POTEG: variants seen among roughly 807,000 people sequenced by gnomAD.
The protein encoded by POTEG is POTE ankyrin domain family member G.
In POTEG, 2 loss-of-function variants were observed where a neutral mutation model predicts 49.6. That is an observed-to-expected ratio of 0.04 (90% confidence interval 0.02 to 0.13). POTEG has a LOEUF of 0.13. POTEG is among the 10% of genes least tolerant of loss of function. The probability of loss-of-function intolerance (pLI) is 1.00; values close to 1 mark genes in which losing one functional copy is unlikely to be tolerated. For missense variants in POTEG, 26 were observed against 545.2 expected, an observed-to-expected ratio of 0.05 and a Z score of 9.48; for synonymous variants, 7 against 186.6, an observed-to-expected ratio of 0.04 and a Z score of 7.84.
intron 3 of POTEG, chr14:19,426,993 A>AAG: frequency 3.1e-6 from 1 of 325,406 alleles, no homozygotes; most frequent in African/African-American, 2.3e-5. Flanking sequence ...CTCAATCTAA[A>AAG]AAAAAAAAAA....
chr14:19,425,583 C>T lies in POTEG; in HGVS notation c.917+23G>A. The T allele has an allele frequency of 7.0e-6, 5 of 718,172 alleles. 2 individuals carry two copies. In the Admixed American group the frequency reaches 1.4e-4, roughly 20 times the overall value. 44.5% of individuals were successfully genotyped at this position (718,172 alleles called of 1,614,324 possible). ...GTGACTGCTATCCATCTGGAACACA[C>T]AGATTAAAAGAAAGAACTATACCTT... On this transcript the variant is annotated intron_variant, in intron 4 of 10. Coordinates refer to ENST00000547848, the MANE Select transcript of POTEG (RefSeq NM_001005356.3).
At position 19,431,248 on chromosome 14, in the gene POTEG, T is replaced by C. The variant is rs1400654105; in HGVS notation, c.522-2259A>G. 3.3e-5 allele frequency among the ~76,000 whole-genome samples: 5 copies of C among 152,386 alleles called. No individual in the cohort carries two copies. The East Asian group carries it at 9.7e-4, about 30-fold the overall frequency. On this transcript the variant is annotated intron_variant, in intron 1 of 10. Coordinates refer to ENST00000547848, the MANE Select transcript of POTEG (RefSeq NM_001005356.3). ...AAACTGATTTTTTTCTCACTTGCTA[T>C]AGCAAAGTACATCTTTGCATGTCGA...
At chr14:19,432,354 A>G (rs1269818605) in intron 1 of POTEG, among the ~76,000 whole-genome samples, 3 of 95,644 alleles carry the variant, frequency 3.1e-5, no homozygotes, top group Non-Finnish European at 6.7e-5. Flanking sequence ...TCAAAAAAAA[A>G]AAAGAAATTT....
Position 19,424,288 on chromosome 14 carries a change from AG to A in POTEG, c.931del (p.Ala312LeufsTer9). ...LDRYGRTALI[L>X]AVCCGSASIV... ...ACTTGCCGATCCACAACATACAGCA[AG>A]TATGAGAGCAGTTCTAAAATGACAG... On this transcript the variant is annotated frameshift_variant, in exon 5 of 11. Transcript: ENST00000547848. LOFTEE classifies it high-confidence loss of function. 6.2e-7 allele frequency: 1 copy of A among 1,604,632 alleles called. No homozygotes were observed. Among genetic ancestry groups the A allele is most frequent in the East Asian group, 2.2e-5 (1 of 44,680 alleles).
rs368561070 is a variant in POTEG at position 19,415,663 on chromosome 14, A to G, written c.1197+625T>C. Among the ~76,000 whole-genome samples, 29 of 151,444 alleles carry G rather than the reference A, an allele frequency of 1.9e-4. No individual in the cohort carries two copies. The East Asian group carries it at 5.3e-3, about 28-fold the overall frequency. On this transcript the variant is annotated intron_variant, in intron 7 of 10. Coordinates refer to ENST00000547848, the MANE Select transcript of POTEG (RefSeq NM_001005356.3). ...TCTATTCCAAAAGGAAAGATTAGCT[A>G]TAAGCTAATCAAGAAGGCAGATAAG... is the stretch of plus-strand genomic sequence containing the variant.
chr14:19,415,892 C>T (rs1299625655), intron 7 of POTEG, among the ~76,000 whole-genome samples: 1 of 118,270 alleles, frequency 8.5e-6, no homozygotes, highest in African/African-American at 3.2e-5. Context: ...GTCACCCAGG[C>T]TGGAGTGTAG....
intron 1 of POTEG, among the ~76,000 whole-genome samples, chr14:19,432,414 G>C (rs1320717855): frequency 3.3e-5 from 1 of 30,218 alleles, no homozygotes; most frequent in Non-Finnish European, 6.5e-5. Context: ...ACACACACAT[G>C]TATATATATG....
chr14:19,418,993 G>C (rs1303856901), intron 6 of POTEG, among the ~76,000 whole-genome samples: 1 of 108,112 alleles, frequency 9.2e-6, no homozygotes, highest in Non-Finnish European at 1.8e-5. Context: ...AATGAAAAAA[G>C]CATAACACCA....
At chr14:19,415,208 T>C (rs1426223635) in intron 7 of POTEG, among the ~76,000 whole-genome samples, 1 of 142,942 alleles carries the variant, frequency 7.0e-6, no homozygotes, top group African/African-American at 2.5e-5. Context: ...TTAAGTCCAG[T>C]TCTAATATAT....
chr14:19,415,854 T>G (rs1418213234), intron 7 of POTEG, among the ~76,000 whole-genome samples: 3 of 142,520 alleles, frequency 2.1e-5, no homozygotes, highest in Non-Finnish European at 4.7e-5. Flanking sequence ...TTTTTTTTTT[T>G]TTTTTTTTTG....
At chr14:19,433,091 AT>A (rs1209719147) in intron 1 of POTEG, among the ~76,000 whole-genome samples, 2 of 140,844 alleles carry the variant, frequency 1.4e-5, no homozygotes, top group Non-Finnish European at 3.0e-5. Flanking sequence ...CGTCCAGCTA[AT>A]TTTTTTTATA....
intron 4 of POTEG, among the ~76,000 whole-genome samples, chr14:19,425,257 G>GT (rs1883906408): frequency 2.0e-5 from 1 of 49,436 alleles, no homozygotes; most frequent in African/African-American, 6.6e-5. Flanking sequence ...GGAAAAGCAT[G>GT]TAAGACACAG....
intron 3 of POTEG, among the ~76,000 whole-genome samples, chr14:19,426,396 A>G (rs1883946778): frequency 6.6e-6 from 1 of 150,702 alleles, no homozygotes; most frequent in African/African-American, 2.4e-5. Context: ...ATACTTAAAG[A>G]GACACACTGG....
intron 7 of POTEG, among the ~76,000 whole-genome samples, chr14:19,415,177 T>C (rs1434464735): frequency 2.8e-5 from 4 of 144,088 alleles, no homozygotes; most frequent in African/African-American, 9.9e-5. Flanking sequence ...TATGATAGTG[T>C]TATGTATCTA....
intron 7 of POTEG, among the ~76,000 whole-genome samples, chr14:19,415,119 A>T (rs1883500943): frequency 6.9e-6 from 1 of 145,322 alleles, no homozygotes; most frequent in Non-Finnish European, 1.6e-5. Context: ...AACACCAAAC[A>T]GAAAGAGATG....
chr14:19,432,403 T>TATACAC (rs1330765784), intron 1 of POTEG, among the ~76,000 whole-genome samples: 471 of 44,204 alleles, frequency 0.011, 2 homozygotes, highest in Non-Finnish European at 0.015. Flanking sequence ...TATATATATA[T>TATACAC]ACACACACAT....
rs1883538871 is a variant in POTEG, at chr14:19,415,837, T to A, written c.1197+451A>T. Among the ~76,000 whole-genome samples the A allele has an allele frequency of 8.7e-4, 20 of 23,066 alleles. 1 individual carries two copies. Among genetic ancestry groups the A allele is most frequent in the South Asian group, 4.0e-3 (4 of 992 alleles). The allele number at this position is 23,066 out of a possible 152,430, so 15.1% of individuals were successfully genotyped here. A position where few individuals can be genotyped will look rare whatever the true frequency, so the allele number is the denominator to read the frequency against. On this transcript the variant is annotated intron_variant, in intron 7 of 10. Coordinates refer to ENST00000547848, the MANE Select transcript of POTEG (RefSeq NM_001005356.3). ...TTTAAGAATCTATTAAAATTTTTTT[T>A]TTTTTTTTTTTTTTTTTTTTTTTTT...
chr14:19,433,410 T>G (rs1286850891), intron 1 of POTEG, among the ~76,000 whole-genome samples: 3 of 85,908 alleles, frequency 3.5e-5, no homozygotes, highest in Non-Finnish European at 7.0e-5. Flanking sequence ...AGTTGATGTG[T>G]TATGGGGCTT....
chr14:19,433,577 A>C (rs1172744204), intron 1 of POTEG, among the ~76,000 whole-genome samples, 192 bp downstream of exon 1: 1 of 134,608 alleles, frequency 7.4e-6, no homozygotes, highest in African/African-American at 2.8e-5. Flanking sequence ...TTGATTGGAA[A>C]TCAGCTAAAG....
Sources: allele counts gnomAD v4.1 joint callset (sites outside exome capture counted in the v4.1 genomes callset), GRCh38; gene constraint gnomAD v4.1.1; transcripts MANE v1.5; gene names NCBI Gene and HGNC (gene_info 2026-07-23, HGNC 2026-07-21).